SV2C: variants seen among roughly 807,000 people sequenced by gnomAD.
SV2C encodes solute carrier family 22 member B3.
A neutral mutation model predicts 79.7 loss-of-function variants in SV2C; 49 were observed. The observed-to-expected ratio is 0.61, with a 90% CI of 0.49 to 0.78. The LOEUF (loss-of-function observed/expected upper bound fraction) is 0.78. Among genes scored for constraint, SV2C ranks in the 30% least tolerant of loss-of-function variants. SV2C has a pLI of 0.00. For missense variants in SV2C, 833 were observed against 912.9 expected, an observed-to-expected ratio of 0.91 and a Z score of 1.13; for synonymous variants, 334 against 333.2, an observed-to-expected ratio of 1.00 and a Z score of -0.03.
Position 76,121,977 on chromosome 5 carries a change from C to T in SV2C, c.-101-9673C>T, listed in dbSNP as rs534844686. ...ACCTTGGGCAGTATGGCCATTTTCA[C>T]GATATTGATTCTTCCTACCCATGAG... is the stretch of plus-strand genomic sequence containing the variant. On this transcript the variant is annotated intron_variant, in intron 1 of 12. Transcript: ENST00000502798. Among the ~76,000 whole-genome samples the T allele has an allele frequency of 1.2e-4, 18 of 152,156 alleles. No individual in the cohort carries two copies. The South Asian group carries it at 1.2e-3, about 11-fold the overall frequency.
chr5:75,987,259 T>A, the SV2C span, among the ~76,000 whole-genome samples: 1 of 151,876 alleles, frequency 6.6e-6, no homozygotes, highest in African/African-American at 2.4e-5. Context: ...CACTTAACAG[T>A]TTTTGATGCA....
chr5:75,971,191 A>G, the SV2C span, among the ~76,000 whole-genome samples: 1 of 152,126 alleles, frequency 6.6e-6, no homozygotes, highest in Non-Finnish European at 1.5e-5. Flanking sequence ...AATAAGAGCT[A>G]TCCATGACAA....
In SV2C at chr5:76,171,048, C is replaced by T. The variant is rs868409625; in HGVS notation, c.581-23871C>T. ...TTGCCGCCGCGCCGGCGAGCGCCGCCCGGGAGGCAGCGGCTGGAGGAGCGG... is the reference window on the plus strand; with the variant it reads ...TTGCCGCCGCGCCGGCGAGCGCCGCTCGGGAGGCAGCGGCTGGAGGAGCGG... On this transcript the variant is annotated intron_variant, in intron 2 of 12. Coordinates refer to ENST00000502798, the MANE Select transcript of SV2C (RefSeq NM_014979.4). 4.8e-3 allele frequency: 698 copies of T among 145,304 alleles called. 17 individuals carry two copies. Among genetic ancestry groups the T allele is most frequent in the African/African-American group, 0.029 (629 of 21,990 alleles). 9.0% of individuals were successfully genotyped at this position (145,304 alleles called of 1,614,324 possible).
the SV2C span, among the ~76,000 whole-genome samples, chr5:75,903,009 G>A: frequency 6.6e-6 from 1 of 152,186 alleles, no homozygotes; most frequent in Non-Finnish European, 1.5e-5. Context: ...ATAAAATCCT[G>A]TGAGATGGAT....
chr5:76,201,793 C>T (rs544796840), intron 3 of SV2C, among the ~76,000 whole-genome samples: 1 of 151,940 alleles, frequency 6.6e-6, no homozygotes, highest in South Asian at 2.1e-4. Flanking sequence ...CTGAGGTGGG[C>T]GGATCACGAG....
chr5:76,054,930 T>C, the SV2C span, among the ~76,000 whole-genome samples: 1 of 152,192 alleles, frequency 6.6e-6, no homozygotes, highest in Non-Finnish European at 1.5e-5. Context: ...TGCAAAACTT[T>C]TCACCCATTC....
intron 2 of SV2C, among the ~76,000 whole-genome samples, chr5:76,154,598 C>T (rs1016243403): frequency 2.0e-5 from 3 of 152,160 alleles, no homozygotes; most frequent in African/African-American, 7.2e-5. Context: ...GCAGACTCTA[C>T]GGACACCTGG....
At chr5:76,324,783 G>A (rs534263046) in intron 12 of SV2C, among the ~76,000 whole-genome samples, 2 of 152,236 alleles carry the variant, frequency 1.3e-5, no homozygotes, top group South Asian at 2.1e-4. Flanking sequence ...TTGAACCTGC[G>A]AAGTGGAGGC....
chr5:76,102,472 T>G (rs1291448999), intron 1 of SV2C, among the ~76,000 whole-genome samples: 1 of 152,198 alleles, frequency 6.6e-6, no homozygotes, highest in Non-Finnish European at 1.5e-5. Context: ...GCAATTACTC[T>G]ATGTTGTGAA....
intron 4 of SV2C, among the ~76,000 whole-genome samples, chr5:76,247,914 C>T (rs147611190): frequency 1.6e-4 from 25 of 152,292 alleles, no homozygotes; most frequent in African/African-American, 5.3e-4. Flanking sequence ...TCTCAGCCAT[C>T]CCTTCCTCAC....
chr5:76,103,844 A>G (rs182293058), intron 1 of SV2C, among the ~76,000 whole-genome samples: 1 of 152,332 alleles, frequency 6.6e-6, no homozygotes, highest in Non-Finnish European at 1.5e-5. Flanking sequence ...GCAAAAGAGG[A>G]TACACTTTCC....
the SV2C span, among the ~76,000 whole-genome samples, chr5:75,993,712 A>C: frequency 6.6e-6 from 1 of 151,998 alleles, no homozygotes; most frequent in South Asian, 2.1e-4. Flanking sequence ...TTCAGGGAGG[A>C]GATTGTCTAG....
chr5:75,933,654 C>T, the SV2C span, among the ~76,000 whole-genome samples: 2 of 152,206 alleles, frequency 1.3e-5, no homozygotes, highest in African/African-American at 4.8e-5. Flanking sequence ...TTGACACAGG[C>T]AAGTAAGTAC....
At chr5:76,120,564 G>C (rs1227219128) in intron 1 of SV2C, among the ~76,000 whole-genome samples, 4 of 125,714 alleles carry the variant, frequency 3.2e-5, no homozygotes, top group African/African-American at 9.7e-5. Context: ...TCCCCTTCCT[G>C]TGTCCATGTG....
In SV2C at chr5:76,242,118, G is replaced by A. The variant is rs777109157; in HGVS notation, c.913+32231G>A. 1,031 of 1,431,148 alleles carry A rather than the reference G, an allele frequency of 7.2e-4. 1 individual carries two copies. Among genetic ancestry groups the A allele is most frequent in the Non-Finnish European group, 9.6e-4 (979 of 1,019,336 alleles). 88.7% of individuals were successfully genotyped at this position (1,431,148 alleles called of 1,614,324 possible). A position where few individuals can be genotyped will look rare whatever the true frequency, so the allele number is the denominator to read the frequency against. The stretch of plus-strand genomic sequence containing the variant: ...GTTATTTCCCTCCTTGCCAGCATCA[G>A]CTTTTCCCTTTTTCCCTTTGGGTAC... On this transcript the variant is annotated intron_variant, in intron 4 of 12. Transcript: ENST00000502798.
chr5:75,920,014 G>T, the SV2C span, among the ~76,000 whole-genome samples: 1 of 152,220 alleles, frequency 6.6e-6, no homozygotes, highest in African/African-American at 2.4e-5. Flanking sequence ...TTTGGGTATG[G>T]TCTCTCTGCT....
intron 1 of SV2C, among the ~76,000 whole-genome samples, chr5:76,125,496 G>C (rs1748675545): frequency 6.6e-6 from 1 of 152,130 alleles, no homozygotes; most frequent in Non-Finnish European, 1.5e-5. Flanking sequence ...CATGCTGAGG[G>C]TGGGGAATTC....
chr5:75,999,720 G>A, the SV2C span, among the ~76,000 whole-genome samples: 1 of 151,374 alleles, frequency 6.6e-6, no homozygotes, highest in Non-Finnish European at 1.5e-5. Context: ...ACCACAGGCT[G>A]AGTTATTTAT....
At chr5:76,051,807 T>C in the SV2C span, among the ~76,000 whole-genome samples, 1 of 152,192 alleles carries the variant, frequency 6.6e-6, no homozygotes, top group Admixed American at 6.5e-5. Context: ...AATTGATCCA[T>C]GATTGTATGC....
Sources: allele counts gnomAD v4.1 joint callset (sites outside exome capture counted in the v4.1 genomes callset), GRCh38; gene constraint gnomAD v4.1.1; transcripts MANE v1.5; gene names NCBI Gene and HGNC (gene_info 2026-07-23, HGNC 2026-07-21).